The following VTI1A variants were observed in gnomAD, a reference collection of about 807,000 sequenced individuals.
VTI1A encodes vesicle transport through interaction with t-SNAREs homolog 1A.
Under a neutral mutation model 34.9 loss-of-function variants are expected in VTI1A, and 22 were observed. That is an observed-to-expected ratio of 0.63 (90% CI 0.45 to 0.90). The LOEUF is 0.90. Among genes scored for constraint, VTI1A ranks in the 40% least tolerant of loss-of-function variants. The pLI is 0.00. For synonymous variants in VTI1A, 87 were observed against 97.3 expected (o/e 0.89, Z 0.62); for missense variants, 268 against 275.6 (o/e 0.97, Z 0.20).
chr10:112,455,490 C>T (rs1847479994), intron 1 of VTI1A, among the ~76,000 whole-genome samples: 1 of 56,188 alleles, frequency 1.8e-5, no homozygotes, highest in Non-Finnish European at 3.3e-5. Context: ...CTCCCTCCCT[C>T]CCTCCTTCTC....
chr10:112,734,022 G>T lies in VTI1A; in HGVS notation c.560+65024G>T, dbSNP rs184565647. On this transcript the variant is annotated intron_variant, in intron 7 of 7. Transcript: ENST00000393077. The stretch of plus-strand genomic sequence containing the variant: ...CCACCTCAGCCTCCCAAAGTGCTGG[G>T]ATTACAGGCGTGAGCCACCGTGCCT... Among the ~76,000 whole-genome samples the T allele has an allele frequency of 2.6e-4, 40 of 152,232 alleles. 1 individual carries two copies. The Middle Eastern group carries it at 0.024, about 91-fold the overall frequency.
chr10:112,594,808 T>C (rs1844554652), intron 5 of VTI1A, among the ~76,000 whole-genome samples: 1 of 151,960 alleles, frequency 6.6e-6, no homozygotes, highest in African/African-American at 2.4e-5. Flanking sequence ...TGGAAAAAAC[T>C]ACTTTAAAGT....
At chr10:112,627,697 C>A (rs755099525) in intron 5 of VTI1A, among the ~76,000 whole-genome samples, 1 of 151,972 alleles carries the variant, frequency 6.6e-6, no homozygotes, top group Admixed American at 6.6e-5. Flanking sequence ...ATTATTTATT[C>A]AACAAATATC....
intron 1 of VTI1A, among the ~76,000 whole-genome samples, chr10:112,458,373 T>G (rs1416896981): frequency 2.0e-5 from 3 of 152,114 alleles, no homozygotes; most frequent in African/African-American, 7.2e-5. Flanking sequence ...ACTAAAAGGG[T>G]TGAAATGTCC....
chr10:112,825,662 A>G, the VTI1A span: 1 of 152,228 alleles, frequency 6.6e-6, no homozygotes, highest in East Asian at 1.9e-4. Context: ...TCCCCAAGTC[A>G]CCAGGGTGCC....
intron 5 of VTI1A, among the ~76,000 whole-genome samples, chr10:112,546,274 G>A (rs1004283432): frequency 2.6e-5 from 4 of 151,708 alleles, no homozygotes; most frequent in South Asian, 4.2e-4. Flanking sequence ...TAGTTAATAT[G>A]TATACTCCTG....
chr10:112,452,727 CTTTTG>C (rs796578953), intron 1 of VTI1A, among the ~76,000 whole-genome samples: 65 of 149,464 alleles, frequency 4.3e-4, no homozygotes, highest in African/African-American at 1.5e-3. Flanking sequence ...TGGCTTCAGT[CTTTTG>C]TTTTTGTTTT....
chr10:112,466,805 A>T (rs1847911744), intron 3 of VTI1A, among the ~76,000 whole-genome samples: 1 of 145,408 alleles, frequency 6.9e-6, no homozygotes, highest in African/African-American at 2.6e-5. Context: ...CTTAAACAAC[A>T]GAAATTTGTT....
rs140214176 is a variant in VTI1A, at chr10:112,629,555, C to T, written c.428-38663C>T. Among the ~76,000 whole-genome samples, 10 of 152,334 alleles carry T rather than the reference C, an allele frequency of 6.6e-5. No homozygotes were observed. The East Asian group carries it at 1.9e-3, about 29-fold the overall frequency. On this transcript the variant is annotated intron_variant, in intron 5 of 7. Coordinates refer to ENST00000393077, the MANE Select transcript of VTI1A (RefSeq NM_145206.4). ...TAGGAAGGGGCTTCTTGTCTCCAGA[C>T]TCCTGCATGACCTTTGAGGAACGAG...
intron 7 of VTI1A, among the ~76,000 whole-genome samples, chr10:112,741,213 T>C (rs1850681879): frequency 6.6e-6 from 1 of 152,162 alleles, no homozygotes; most frequent in African/African-American, 2.4e-5. Flanking sequence ...CCCAGCACTT[T>C]GGGAAGCTGA....
intron 5 of VTI1A, among the ~76,000 whole-genome samples, chr10:112,574,164 A>G (rs1407190699): frequency 1.1e-4 from 17 of 152,228 alleles, no homozygotes; most frequent in Admixed American, 9.2e-4. Context: ...ATAAAATCAA[A>G]TAAGTTTGAG....
chr10:112,499,318 C>A (rs1309207299), intron 3 of VTI1A, among the ~76,000 whole-genome samples: 1 of 152,108 alleles, frequency 6.6e-6, no homozygotes, highest in Non-Finnish European at 1.5e-5. Context: ...AACTAGCTTC[C>A]TTGATTCCAT....
At chr10:112,478,273 C>A (rs1272958575) in intron 3 of VTI1A, among the ~76,000 whole-genome samples, 1 of 150,984 alleles carries the variant, frequency 6.6e-6, no homozygotes, top group African/African-American at 2.4e-5. Flanking sequence ...GGACATGTGG[C>A]ATATTCATTC....
intron 7 of VTI1A, among the ~76,000 whole-genome samples, chr10:112,713,075 C>T (rs1330328939): frequency 2.0e-5 from 3 of 152,076 alleles, no homozygotes; most frequent in African/African-American, 4.8e-5. Flanking sequence ...CCATGGCCAT[C>T]AAGGCTGCCC....
chr10:112,747,579 C>A (rs909942292), intron 7 of VTI1A, among the ~76,000 whole-genome samples: 2 of 152,060 alleles, frequency 1.3e-5, no homozygotes, highest in Non-Finnish European at 2.9e-5. Flanking sequence ...GGCCGATGAC[C>A]GTAATTGTTT....
intron 4 of VTI1A, among the ~76,000 whole-genome samples, chr10:112,537,337 A>ATATATATATATATATATATC (rs1850680748): frequency 7.3e-6 from 1 of 136,558 alleles, no homozygotes; most frequent in Non-Finnish European, 1.6e-5. Context: ...ATATATATAT[A>ATATATATATATATATATATC]TCTGTATCAG....
At chr10:112,585,686 T>TTGAA (rs1844124115) in intron 5 of VTI1A, among the ~76,000 whole-genome samples, 1 of 141,858 alleles carries the variant, frequency 7.0e-6, no homozygotes. Context: ...TTTTTTTTGG[T>TTGAA]TGTGTCACAT....
At chr10:112,665,921 T>C (rs1251480397) in intron 5 of VTI1A, among the ~76,000 whole-genome samples, 3 of 152,170 alleles carry the variant, frequency 2.0e-5, no homozygotes, top group Non-Finnish European at 2.9e-5. Flanking sequence ...ATACCATCAA[T>C]CTGAACAGGA....
At chr10:112,551,116 C>A (rs1016102735) in intron 5 of VTI1A, among the ~76,000 whole-genome samples, 5 of 151,828 alleles carry the variant, frequency 3.3e-5, no homozygotes, top group African/African-American at 7.3e-5. Context: ...TGATAGTGGG[C>A]GCCTGTAGTC....
Sources: allele counts gnomAD v4.1 joint callset (sites outside exome capture counted in the v4.1 genomes callset), GRCh38; gene constraint gnomAD v4.1.1; transcripts MANE v1.5; gene names NCBI Gene and HGNC (gene_info 2026-07-23, HGNC 2026-07-21).